ERG: variants seen among roughly 807,000 people sequenced by gnomAD.
The protein encoded by ERG is transcriptional regulator ERG.
Under a neutral mutation model 55.3 loss-of-function variants are expected in ERG, and 9 were observed. That is an observed-to-expected ratio of 0.16 (90% CI 0.10 to 0.28). The LOEUF is 0.28. Among genes scored for constraint, ERG ranks in the 10% least tolerant of loss-of-function variants. ERG has a pLI of 1.00. For synonymous variants in ERG, 223 were observed against 237.3 expected, an observed-to-expected ratio of 0.94 and a Z score of 0.55; for missense variants, 434 against 631.6, an observed-to-expected ratio of 0.69 and a Z score of 3.35.
intron 2 of ERG, among the ~76,000 whole-genome samples, chr21:38,544,234 G>A (rs1052651959): frequency 6.6e-6 from 1 of 152,250 alleles, no homozygotes; most frequent in African/African-American, 2.4e-5. Flanking sequence ...CAAGGGTAAA[G>A]CATTAGGAGA....
chr21:38,436,108 C>T (rs982701108), intron 2 of ERG, among the ~76,000 whole-genome samples: 7 of 151,212 alleles, frequency 4.6e-5, no homozygotes, highest in Non-Finnish European at 8.8e-5. Flanking sequence ...CAACCTCCGC[C>T]CCCACTGGGT....
chr21:38,508,414 G>C (rs1354095565), intron 2 of ERG, among the ~76,000 whole-genome samples: 4 of 152,052 alleles, frequency 2.6e-5, no homozygotes, highest in Non-Finnish European at 5.9e-5. Flanking sequence ...AAAAATACCG[G>C]CTGTAAGAAC....
chr21:38,657,398 C>A (rs2060525836), intron 1 of ERG, among the ~76,000 whole-genome samples: 1 of 152,060 alleles, frequency 6.6e-6, no homozygotes, highest in Admixed American at 6.5e-5. Flanking sequence ...AACTTAGATC[C>A]AGCGCTCCAT....
chr21:38,466,038 G>C (rs1013104810), intron 1 of ERG, among the ~76,000 whole-genome samples: 4 of 152,140 alleles, frequency 2.6e-5, no homozygotes, highest in Admixed American at 6.5e-5. Context: ...ATGAGTGCTA[G>C]ACTTTGTATT....
intron 1 of ERG, among the ~76,000 whole-genome samples, chr21:38,474,772 G>A (rs9978004): frequency 0.14 from 20,775 of 151,056 alleles, 1,483 homozygotes; most frequent in South Asian, 0.19. Context: ...TGGAGAAAAC[G>A]TTGTGATAAG....
intron 2 of ERG, among the ~76,000 whole-genome samples, chr21:38,430,740 C>A (rs1306689224): frequency 1.3e-5 from 2 of 152,194 alleles, no homozygotes; most frequent in Non-Finnish European, 2.9e-5. Context: ...CCTCACAACT[C>A]CCTAGCAACA....
At chr21:38,519,022 G>T (rs2059574510) in intron 2 of ERG, among the ~76,000 whole-genome samples, 1 of 152,130 alleles carries the variant, frequency 6.6e-6, no homozygotes, top group Admixed American at 6.5e-5. Flanking sequence ...ATATCCAACT[G>T]CTCATTAAAA....
chr21:38,525,779 A>C (rs1370082781), intron 2 of ERG, among the ~76,000 whole-genome samples: 1 of 152,224 alleles, frequency 6.6e-6, no homozygotes, highest in African/African-American at 2.4e-5. Flanking sequence ...AGCAAGCCCA[A>C]GTCGCAAAGT....
intron 2 of ERG, among the ~76,000 whole-genome samples, chr21:38,535,294 T>C (rs2059701648): frequency 6.6e-6 from 1 of 152,124 alleles, no homozygotes; most frequent in African/African-American, 2.4e-5. Flanking sequence ...ACGGGGAGTG[T>C]TGATTGACAT....
chr21:38,477,649 G>A (rs751559542), intron 1 of ERG, among the ~76,000 whole-genome samples: 1 of 152,162 alleles, frequency 6.6e-6, no homozygotes, highest in Non-Finnish European at 1.5e-5. Context: ...TTTAGCATCA[G>A]TTCATGCTGA....
intron 1 of ERG, among the ~76,000 whole-genome samples, chr21:38,455,305 T>C (rs1352602973): frequency 6.6e-6 from 1 of 152,100 alleles, no homozygotes; most frequent in Admixed American, 6.6e-5. Context: ...GGCTAAGAGG[T>C]TCACACCATC....
intron 1 of ERG, among the ~76,000 whole-genome samples, chr21:38,615,579 TAGACACCATCTC>T (rs2060253828): frequency 1.3e-5 from 2 of 151,028 alleles, no homozygotes; most frequent in African/African-American, 4.9e-5. Context: ...TTCTAATTAG[TAGACACCATCTC>T]AGAGGTAGCT....
chr21:38,542,266 G>A (rs540268299), intron 2 of ERG, among the ~76,000 whole-genome samples: 44 of 152,262 alleles, frequency 2.9e-4, no homozygotes, highest in African/African-American at 1.0e-3. Context: ...GGGATTACAG[G>A]CGTGAGTCAC....
chr21:38,469,521 C>A (rs899364368), intron 1 of ERG, among the ~76,000 whole-genome samples: 4 of 152,174 alleles, frequency 2.6e-5, no homozygotes, highest in African/African-American at 9.7e-5. Flanking sequence ...TAATTAGCTG[C>A]ACCTTGATTC....
intron 2 of ERG, among the ~76,000 whole-genome samples, chr21:38,559,078 C>T (rs1226121182): frequency 2.0e-5 from 3 of 152,250 alleles, no homozygotes; most frequent in South Asian, 4.1e-4. Flanking sequence ...GAGTACCCCA[C>T]AATGAAAGCA....
At chr21:38,571,426 G>A (rs890381701) in intron 2 of ERG, among the ~76,000 whole-genome samples, 2 of 151,908 alleles carry the variant, frequency 1.3e-5, no homozygotes, top group South Asian at 2.1e-4. Context: ...CAGGAAGATC[G>A]CTTGAGCCTG....
intron 1 of ERG, among the ~76,000 whole-genome samples, chr21:38,479,496 G>A (rs1480539246): frequency 1.3e-5 from 2 of 152,180 alleles, no homozygotes; most frequent in African/African-American, 4.8e-5. Flanking sequence ...ATAGATTAGG[G>A]TAGGTTCTAA....
At chr21:38,487,208 A>T (rs550483066) in intron 1 of ERG, among the ~76,000 whole-genome samples, 2 of 144,990 alleles carry the variant, frequency 1.4e-5, no homozygotes, top group South Asian at 2.2e-4. Flanking sequence ...CTCAAATTTT[A>T]TTATTCTTTA....
chr21:38,568,001 C>T (rs1489672251), intron 2 of ERG, among the ~76,000 whole-genome samples: 1 of 152,204 alleles, frequency 6.6e-6, no homozygotes, highest in African/African-American at 2.4e-5. Context: ...TTTAGCGTTA[C>T]TTCCAGAGCG....
Sources: gnomAD v4.1 joint callset for allele counts (sites outside exome capture counted in the v4.1 genomes callset) on GRCh38, gnomAD v4.1.1 for gene constraint, MANE v1.5 for transcripts, NCBI Gene and HGNC (gene_info 2026-07-23, HGNC 2026-07-21) for gene names.